Variants in NT5DC3 observed in about 807,000 individuals in gnomAD.
NT5DC3 encodes 5'-nucleotidase domain containing 3.
A neutral mutation model predicts 67.8 loss-of-function variants in NT5DC3; 42 were observed. That is an observed-to-expected ratio of 0.62 (90% CI 0.48 to 0.80). The LOEUF (loss-of-function observed/expected upper bound fraction) is 0.80, where lower values mean the gene tolerates loss of function less well. Among genes scored for constraint, NT5DC3 ranks in the 30% least tolerant of loss-of-function variants. NT5DC3 has a pLI of 0.00. For synonymous variants in NT5DC3, 237 were observed against 255.6 expected, an observed-to-expected ratio of 0.93 and a Z score of 0.69; for missense variants, 570 against 696.4, an observed-to-expected ratio of 0.82 and a Z score of 2.04.
In NT5DC3 at chr12:103,828,696, C is replaced by CTTTTTTTTTTTTTTTTTTTTTTTTTT. The variant is rs376961953; in HGVS notation, c.208+12252_208+12253insAAAAAAAAAAAAAAAAAAAAAAAAAA. Among the ~76,000 whole-genome samples the CTTTTTTTTTTTTTTTTTTTTTTTTTT allele has an allele frequency of 1.5e-5, 2 of 136,352 alleles. 1 individual carries two copies. 89.5% of individuals were successfully genotyped at this position (136,352 alleles called of 152,430 possible). A position where few individuals can be genotyped will look rare whatever the true frequency, so the allele number is the denominator to read the frequency against. ...TACCACTCTCCTGCATTTTTTCTTTCTTTTTATTTTTTTTTTTTGGAGACG... is the reference window on the plus strand; with the variant it reads ...TACCACTCTCCTGCATTTTTTCTTTCTTTTTTTTTTTTTTTTTTTTTTTTTTTTTTTATTTTTTTTTTTTGGAGACG... On this transcript the variant is annotated intron_variant, in intron 1 of 13. Coordinates refer to ENST00000392876, the MANE Select transcript of NT5DC3 (RefSeq NM_001031701.3).
chr12:103,823,931 T>C (rs918410457), intron 1 of NT5DC3, among the ~76,000 whole-genome samples: 1 of 152,194 alleles, frequency 6.6e-6, no homozygotes, highest in Non-Finnish European at 1.5e-5. Flanking sequence ...TCCTAGTAAC[T>C]TTCACCAAGT....
chr12:103,838,512 A>T (rs567948866), intron 1 of NT5DC3, among the ~76,000 whole-genome samples: 2 of 152,310 alleles, frequency 1.3e-5, no homozygotes, highest in South Asian at 4.1e-4. Context: ...GATGGCAAAA[A>T]TTTTGCCTGC....
chr12:103,790,003 T>A (rs1486984693), intron 9 of NT5DC3, among the ~76,000 whole-genome samples: 1 of 152,220 alleles, frequency 6.6e-6, no homozygotes, highest in African/African-American at 2.4e-5. Flanking sequence ...CTAATTTATA[T>A]CCTTTTTCTC....
At chr12:103,755,357 C>A in the NT5DC3 span, 1 of 1,614,134 alleles carries the variant, frequency 6.2e-7, no homozygotes, top group East Asian at 2.2e-5. Flanking sequence ...GTTGCCTACC[C>A]CACAGCCTTC....
chr12:103,769,590 CCT>C (rs1885136653), downstream of NT5DC3, among the ~76,000 whole-genome samples: 1 of 152,236 alleles, frequency 6.6e-6, no homozygotes, highest in African/African-American at 2.4e-5. Context: ...GACAACTGCC[CCT>C]CTCATGGTCC....
chr12:103,806,680 AAT>A (rs1886813874), intron 3 of NT5DC3, among the ~76,000 whole-genome samples, 173 bp downstream of exon 3: 2 of 152,352 alleles, frequency 1.3e-5, no homozygotes, highest in South Asian at 2.1e-4. Context: ...ATGCTTTTCT[AAT>A]ACATAGTCTC....
At chr12:103,763,495 G>A in the NT5DC3 span, 12 of 1,613,882 alleles carry the variant, frequency 7.4e-6, no homozygotes, top group Admixed American at 1.7e-5. Context: ...CAAACAGTCG[G>A]AAGAGGACAT....
At chr12:103,754,592 G>A in the NT5DC3 span, among the ~76,000 whole-genome samples, 3 of 152,126 alleles carry the variant, frequency 2.0e-5, no homozygotes, top group African/African-American at 4.8e-5. Flanking sequence ...TGGTGGTGGT[G>A]ATGATGGGGA....
chr12:103,750,574 C>T, the NT5DC3 span: 2 of 1,613,760 alleles, frequency 1.2e-6, no homozygotes, highest in Non-Finnish European at 1.7e-6. Context: ...ACTCTCCCTC[C>T]ACAGGGCAAG....
downstream of NT5DC3, among the ~76,000 whole-genome samples, chr12:103,765,568 A>T (rs1884882266): frequency 6.6e-6 from 1 of 152,260 alleles, no homozygotes; most frequent in East Asian, 1.9e-4. Flanking sequence ...CCACCTCTAG[A>T]GTGTGGCCTT....
the NT5DC3 span, among the ~76,000 whole-genome samples, chr12:103,764,734 G>A: frequency 6.6e-6 from 1 of 152,126 alleles, no homozygotes; most frequent in Admixed American, 6.5e-5. Context: ...GCAATAGACT[G>A]AAAAATAACC....
At chr12:103,780,059 C>T (rs1329336725) in intron 13 of NT5DC3, among the ~76,000 whole-genome samples, 1 of 152,196 alleles carries the variant, frequency 6.6e-6, no homozygotes, top group African/African-American at 2.4e-5. Context: ...CTCCGTTCTC[C>T]AAAGGCCTTC....
chr12:103,801,613 C>A (rs1191984830), intron 4 of NT5DC3, among the ~76,000 whole-genome samples: 1 of 151,920 alleles, frequency 6.6e-6, no homozygotes, highest in Non-Finnish European at 1.5e-5. Context: ...GATCTCCTGA[C>A]CTCGTGATCT....
the NT5DC3 span, among the ~76,000 whole-genome samples, chr12:103,761,977 G>C: frequency 6.6e-6 from 1 of 152,256 alleles, no homozygotes; most frequent in South Asian, 2.1e-4. Flanking sequence ...GCCAGACTGG[G>C]TTCAAAGCCC....
chr12:103,825,336 T>G (rs1887646899), intron 1 of NT5DC3, among the ~76,000 whole-genome samples: 2 of 152,202 alleles, frequency 1.3e-5, no homozygotes. Flanking sequence ...ATCACACTTC[T>G]TGAAGTTACA....
the NT5DC3 span, chr12:103,762,219 C>A: frequency 1.2e-6 from 2 of 1,604,540 alleles, no homozygotes; most frequent in Non-Finnish European, 1.7e-6. Flanking sequence ...AAGGGTTCCC[C>A]TTTTGGGGAG....
intron 4 of NT5DC3, among the ~76,000 whole-genome samples, chr12:103,802,639 C>G (rs575985704): frequency 3.3e-5 from 5 of 152,182 alleles, no homozygotes; most frequent in African/African-American, 1.2e-4. Context: ...GTGAGCCAAG[C>G]CAGAGAGGAA....
chr12:103,787,625 A>G (rs927264820), intron 10 of NT5DC3, 98 bp from the exon 11 acceptor site: 2 of 578,574 alleles, frequency 3.5e-6, no homozygotes, highest in African/African-American at 1.9e-5. Flanking sequence ...TTGTTTTTAT[A>G]ACTTATTTTA....
intron 2 of NT5DC3, among the ~76,000 whole-genome samples, chr12:103,807,796 C>T (rs1886865387): frequency 6.6e-6 from 1 of 152,158 alleles, no homozygotes; most frequent in Non-Finnish European, 1.5e-5. Flanking sequence ...CCCCCATACT[C>T]ACGAGATCTG....
Sources: allele counts gnomAD v4.1 joint callset (sites outside exome capture counted in the v4.1 genomes callset), GRCh38; gene constraint gnomAD v4.1.1; transcripts MANE v1.5; gene names NCBI Gene and HGNC (gene_info 2026-07-23, HGNC 2026-07-21).